The following UGGT2 variants were observed in gnomAD, a reference collection of about 807,000 sequenced individuals.
UGGT2 encodes the protein UDP-glucose:glycoprotein glucosyltransferase 2.
A neutral mutation model predicts 192.1 loss-of-function variants in UGGT2; 180 were observed. That is an observed-to-expected ratio of 0.94 (90% confidence interval 0.83 to 1.06). The LOEUF (loss-of-function observed/expected upper bound fraction) is 1.06. Among genes scored for constraint, UGGT2 ranks in the 50% least tolerant of loss-of-function variants. The probability of loss-of-function intolerance (pLI) is 0.00; values close to 1 mark genes in which losing one functional copy is unlikely to be tolerated. For missense variants in UGGT2, 1,849 were observed against 1,795.7 expected (o/e 1.03, Z -0.54); for synonymous variants, 580 against 591.0 (o/e 0.98, Z 0.27).
chr13:96,053,205 A>G lies in UGGT2; in HGVS notation c.108T>C (p.Thr36=), dbSNP rs975492392. The G allele has an allele frequency of 1.3e-6, 2 of 1,531,964 alleles. No individual in the cohort carries two copies. The highest frequency in any genetic ancestry group is 1.7e-6 in the Non-Finnish European group (2 of 1,145,828). 94.9% of individuals were successfully genotyped at this position (1,531,964 alleles called of 1,614,324 possible). ...CGGGCCACTTCGCGGCCAAGTGGGC[A>G]GTCACCGACTTGGACGCGGCGACCG... ...SGTVAASKSV[T]AHLAAKWPET... is the part of the protein sequence containing the mutation. The change falls in exon 1 of 39, where the codon ACT becomes ACC. Residue 36 remains threonine (T), a synonymous_variant. Coordinates refer to ENST00000376747, the MANE Select transcript of UGGT2 (RefSeq NM_020121.4).
rs760204523 is a variant in UGGT2, at chr13:95,884,084, A to AAAAAAAC, written c.3228+406_3228+407insGTTTTTT. Among the ~76,000 whole-genome samples the AAAAAAAC allele has an allele frequency of 2.5e-3, 327 of 131,964 alleles. 19 individuals are homozygous for AAAAAAAC. Among genetic ancestry groups the AAAAAAAC allele is most frequent in the East Asian group, 5.2e-3 (23 of 4,456 alleles). 86.6% of individuals were successfully genotyped at this position (131,964 alleles called of 152,430 possible). A position where few individuals can be genotyped will look rare whatever the true frequency, so the allele number is the denominator to read the frequency against. On this transcript the variant is annotated intron_variant, in intron 27 of 38. Coordinates refer to ENST00000376747, the MANE Select transcript of UGGT2 (RefSeq NM_020121.4). ...TGAGGCCAAAAAAAAAAAAAAAAAA[A>AAAAAAAC]AACCAACAACAACAAAACAATTTTG...
chr13:95,922,476 A>G (rs975302841), intron 20 of UGGT2, among the ~76,000 whole-genome samples: 1 of 152,216 alleles, frequency 6.6e-6, no homozygotes, highest in African/African-American at 2.4e-5. Flanking sequence ...AAATAAAGTC[A>G]TATTGAAAGA....
chr13:95,937,901 T>C (rs1221224768), intron 16 of UGGT2, among the ~76,000 whole-genome samples: 1 of 152,218 alleles, frequency 6.6e-6, no homozygotes, highest in African/African-American at 2.4e-5. Context: ...AATTCTTATC[T>C]TAAATTTTAG....
chr13:96,009,591 C>T (rs571586413), intron 5 of UGGT2, among the ~76,000 whole-genome samples: 47 of 152,226 alleles, frequency 3.1e-4, no homozygotes, highest in Non-Finnish European at 6.0e-4. Context: ...AGGCGGATCA[C>T]GAGGTCAAAA....
At chr13:95,808,197 GT>G (rs1359951088) in intron 38 of UGGT2, among the ~76,000 whole-genome samples, 1 of 152,174 alleles carries the variant, frequency 6.6e-6, no homozygotes, top group African/African-American at 2.4e-5. Context: ...CAGAGAAAGG[GT>G]TCTTGTTGCC....
intron 36 of UGGT2, among the ~76,000 whole-genome samples, chr13:95,847,781 T>C (rs1888624189): frequency 6.6e-6 from 1 of 152,264 alleles, no homozygotes; most frequent in South Asian, 2.1e-4. Context: ...TGCAGGTTTT[T>C]ATGTAGCCAT....
intron 15 of UGGT2, among the ~76,000 whole-genome samples, chr13:95,946,516 G>A (rs2049875313): frequency 6.6e-6 from 1 of 152,088 alleles, no homozygotes; most frequent in Non-Finnish European, 1.5e-5. Flanking sequence ...CTACAGGCAT[G>A]TGCCGCTGCA....
intron 35 of UGGT2, among the ~76,000 whole-genome samples, chr13:95,853,861 A>C (rs1008533973): frequency 6.6e-6 from 1 of 152,162 alleles, no homozygotes; most frequent in African/African-American, 2.4e-5. Flanking sequence ...TAGAACCCAT[A>C]ATCTTTTAGG....
chr13:95,944,496 T>C (rs1422276202), intron 15 of UGGT2, among the ~76,000 whole-genome samples: 1 of 152,094 alleles, frequency 6.6e-6, no homozygotes, highest in Non-Finnish European at 1.5e-5. Context: ...TACCCATCTC[T>C]GAGCCCAGGC....
rs202016315 is a variant in UGGT2 at position 95,880,826 on chromosome 13, C to CTG, written c.3229-2972_3229-2971dup. On this transcript the variant is annotated intron_variant, in intron 27 of 38. Coordinates refer to ENST00000376747, the MANE Select transcript of UGGT2 (RefSeq NM_020121.4). ...TATTAGTTACTAAGGTTAATCTCTA[C>CTG]TGTGCTTAATTAATTTATGAATTAA... Among the ~76,000 whole-genome samples, 966 of 152,226 alleles carry CTG rather than the reference C, an allele frequency of 6.3e-3. 14 individuals are homozygous for CTG. The highest frequency in any genetic ancestry group is 0.022 in the African/African-American group (923 of 41,534).
rs148244927 is a variant in UGGT2, at chr13:95,892,719, C to A, written c.2856-1755G>T. ...ATAGCATCCTCTTTATAAAGGCTCCCGGGAGAAATTCCTCTGTCTTCCCTC... is the reference window on the plus strand; with the variant it reads ...ATAGCATCCTCTTTATAAAGGCTCCAGGGAGAAATTCCTCTGTCTTCCCTC... On this transcript the variant is annotated intron_variant, in intron 24 of 38. Coordinates refer to ENST00000376747, the MANE Select transcript of UGGT2 (RefSeq NM_020121.4). Among the ~76,000 whole-genome samples the A allele has an allele frequency of 4.0e-3, 607 of 152,158 alleles. 2 individuals carry two copies. Among genetic ancestry groups the A allele is most frequent in the Non-Finnish European group, 6.1e-3 (418 of 67,972 alleles).
intron 24 of UGGT2, among the ~76,000 whole-genome samples, chr13:95,893,568 A>T (rs1411006086): frequency 6.0e-5 from 8 of 132,630 alleles, no homozygotes; most frequent in Non-Finnish European, 1.4e-4. Context: ...GACATTTTCT[A>T]AAATTCAATA....
At position 95,900,872 on chromosome 13, in the gene UGGT2, G is replaced by A. The variant is rs1319444084; in HGVS notation, c.2569C>T (p.Gln857Ter). 1.2e-6 allele frequency: 2 copies of A among 1,610,814 alleles called. No homozygotes were observed. The highest frequency in any genetic ancestry group is 3.4e-5 in the Admixed American group (2 of 59,376). Residue 857 changes from glutamine (Q) to a stop codon, truncating the protein, a stop_gained, in exon 22 of 39, where the codon CAG (glutamine) becomes TAG (stop). Coordinates refer to ENST00000376747, the MANE Select transcript of UGGT2 (RefSeq NM_020121.4). LOFTEE classifies it high-confidence loss of function. The stretch of plus-strand genomic sequence containing the variant: ...TTAAGTACATCTTGACAGAACAACT[G>A]GTGAGTTCGAAAAATATTCACTCCA... ...TVGVNIFRTHQLFCQDVLKLR... is the reference protein window; with the variant it reads ...TVGVNIFRTH
rs1056341076 is a variant in UGGT2, at chr13:95,999,294, C to A, written c.674G>T (p.Arg225Leu). 40 of 1,613,138 alleles carry A rather than the reference C, an allele frequency of 2.5e-5. No homozygotes were observed. Among genetic ancestry groups the A allele is most frequent in the Non-Finnish European group, 3.3e-5 (39 of 1,179,548 alleles). Residue 225 changes from arginine (R) to leucine (L), a missense_variant, in exon 6 of 39, where the codon CGG (arginine) becomes CTG (leucine). Coordinates refer to ENST00000376747, the MANE Select transcript of UGGT2 (RefSeq NM_020121.4). Reference protein sequence around the residue: ...LRHYIQKPSSRKMYLSGYGVE... With the variant: ...LRHYIQKPSSLKMYLSGYGVE... The stretch of plus-strand genomic sequence containing the variant: ...ACCATACCCAGATAAGTACATTTTC[C>A]GTGAGCTTGGTTTCTGTTCAAACAC...
At chr13:95,920,136 G>A (rs531708673) in intron 20 of UGGT2, among the ~76,000 whole-genome samples, 1 of 152,238 alleles carries the variant, frequency 6.6e-6, no homozygotes, top group South Asian at 2.1e-4. Context: ...TGCTGGAAGT[G>A]CTGGCTAGCC....
chr13:95,912,595 A>G (rs1237482854), intron 20 of UGGT2, among the ~76,000 whole-genome samples: 1 of 152,248 alleles, frequency 6.6e-6, no homozygotes, highest in Non-Finnish European at 1.5e-5. Context: ...AGAGGACACA[A>G]ACAAATGGAA....
At position 95,895,174 on chromosome 13, in the gene UGGT2, A is replaced by G; in HGVS notation, c.2759+6T>C. The G allele has an allele frequency of 6.4e-7, 1 of 1,574,282 alleles. No homozygotes were observed. The highest frequency in any genetic ancestry group is 8.6e-7 in the Non-Finnish European group (1 of 1,169,586). ...AATGAATTGCTCTTAGAACTTATAT[A>G]CTCACTTATTTGCGTTGATTCCCAT... On this transcript the variant is annotated splice_donor_region_variant and intron_variant, in intron 23 of 38. Transcript: ENST00000376747.
At chr13:95,985,219 GAT>G (rs755898067) in intron 9 of UGGT2, 6 of 1,102,418 alleles carry the variant, frequency 5.4e-6, no homozygotes, top group Non-Finnish European at 7.2e-6. Flanking sequence ...TGGCTAAACA[GAT>G]ATGACATTTA....
At chr13:95,909,586 A>G (rs572468591) in intron 20 of UGGT2, among the ~76,000 whole-genome samples, 8 of 112,866 alleles carry the variant, frequency 7.1e-5, no homozygotes, top group Non-Finnish European at 1.2e-4. Context: ...GGAATATCAC[A>G]TACTGGGGAC....
Sources: gnomAD v4.1 joint callset for allele counts (sites outside exome capture counted in the v4.1 genomes callset) on GRCh38, gnomAD v4.1.1 for gene constraint, MANE v1.5 for transcripts, NCBI Gene and HGNC (gene_info 2026-07-23, HGNC 2026-07-21) for gene names.